PTCHD4: variants seen among roughly 807,000 people sequenced by gnomAD.
The protein encoded by PTCHD4 is patched domain containing 4.
In PTCHD4, 33 loss-of-function variants were observed where a neutral mutation model predicts 58.1. The ratio of observed to expected loss-of-function variants is 0.57; its 90% confidence interval spans 0.43 to 0.76. The LOEUF (loss-of-function observed/expected upper bound fraction) is 0.76, where lower values mean the gene tolerates loss of function less well. Ranked by LOEUF, PTCHD4 falls within the 30% of genes least tolerant of loss-of-function variation. PTCHD4 has a pLI of 0.00. For missense variants in PTCHD4, 1,058 were observed against 1,027.1 expected (o/e 1.03, Z -0.41); for synonymous variants, 478 against 409.6 (o/e 1.17, Z -2.02).
intron 4 of PTCHD4, among the ~76,000 whole-genome samples, chr6:47,949,714 G>C (rs1766561606): frequency 6.6e-6 from 1 of 151,864 alleles, no homozygotes; most frequent in Non-Finnish European, 1.5e-5. Context: ...AACAAACAGT[G>C]ATACAGTCTC....
chr6:47,992,529 A>G (rs923922131), intron 4 of PTCHD4, among the ~76,000 whole-genome samples: 12 of 152,212 alleles, frequency 7.9e-5, no homozygotes, highest in Admixed American at 2.6e-4. Context: ...TATAGCTATT[A>G]GTAAAAATAG....
At chr6:47,979,919 T>C (rs1767819775) in intron 4 of PTCHD4, among the ~76,000 whole-genome samples, 1 of 152,078 alleles carries the variant, frequency 6.6e-6, no homozygotes, top group Non-Finnish European at 1.5e-5. Flanking sequence ...AGTGCATTTT[T>C]ACTTACTAAA....
intron 4 of PTCHD4, among the ~76,000 whole-genome samples, chr6:47,953,565 CAT>C (rs1271823633): frequency 6.6e-6 from 1 of 152,034 alleles, no homozygotes; most frequent in African/African-American, 2.4e-5. Flanking sequence ...TTAAAATCAA[CAT>C]AGTCACTGAA....
At chr6:48,085,443 T>G (rs1765245348) in intron 1 of PTCHD4, among the ~76,000 whole-genome samples, 1 of 152,214 alleles carries the variant, frequency 6.6e-6, no homozygotes, top group African/African-American at 2.4e-5. Flanking sequence ...TGCCATTGAC[T>G]TCTCTAATAA....
intron 3 of PTCHD4, among the ~76,000 whole-genome samples, chr6:48,016,196 C>T (rs878920986): frequency 3.3e-5 from 5 of 151,834 alleles, no homozygotes; most frequent in South Asian, 2.1e-4. Flanking sequence ...TATCATGGCC[C>T]GCAGGCAAAA....
intron 4 of PTCHD4, among the ~76,000 whole-genome samples, chr6:47,916,522 C>G (rs1329929790): frequency 6.6e-6 from 1 of 152,040 alleles, no homozygotes; most frequent in Admixed American, 6.6e-5. Flanking sequence ...AAAATCTGCC[C>G]CCTTATCTCC....
intron 4 of PTCHD4, among the ~76,000 whole-genome samples, chr6:47,995,291 A>T (rs1316684463): frequency 6.6e-6 from 1 of 152,198 alleles, no homozygotes; most frequent in Non-Finnish European, 1.5e-5. Context: ...TGTTTTACAT[A>T]CACAGAAGTT....
chr6:47,918,556 T>A (rs888125458), intron 4 of PTCHD4, among the ~76,000 whole-genome samples: 1 of 151,864 alleles, frequency 6.6e-6, no homozygotes, highest in Non-Finnish European at 1.5e-5. Context: ...ATTTGCACAA[T>A]ATTTGTAGTT....
intron 1 of PTCHD4, among the ~76,000 whole-genome samples, chr6:48,095,039 G>C (rs1188950241): frequency 6.6e-6 from 1 of 152,148 alleles, no homozygotes; most frequent in African/African-American, 2.4e-5. Context: ...ATGTAGGACA[G>C]ATTATAAATG....
At position 47,921,505 on chromosome 6, in the gene PTCHD4, C is replaced by G. The variant is rs538855101; in HGVS notation, c.899-41569G>C. Among the ~76,000 whole-genome samples the G allele has an allele frequency of 6.8e-4, 103 of 152,300 alleles. 2 individuals are homozygous for G. In the South Asian group the frequency reaches 7.0e-3, roughly 10 times the overall value. On this transcript the variant is annotated intron_variant, in intron 4 of 4. Transcript: ENST00000339488. ...TTGAAATAAGACAATATTTCTCACTCTCTTTTGCAGCTACGTGTGGCCATG... is the reference window on the plus strand; with the variant it reads ...TTGAAATAAGACAATATTTCTCACTGTCTTTTGCAGCTACGTGTGGCCATG...
intron 1 of PTCHD4, among the ~76,000 whole-genome samples, chr6:48,098,963 T>C (rs1765536617): frequency 1.3e-5 from 2 of 152,186 alleles, no homozygotes; most frequent in African/African-American, 2.4e-5. Flanking sequence ...AAGACTTAAG[T>C]ACCTAGACAC....
rs1459726607 is a variant in PTCHD4, at chr6:47,861,017, C to T, written c.*17286G>A. 3.3e-5 allele frequency among the ~76,000 whole-genome samples: 5 copies of T among 151,922 alleles called. No individual in the cohort carries two copies. Among genetic ancestry groups the T allele is most frequent in the African/African-American group, 1.2e-4 (5 of 41,392 alleles). On this transcript the variant is annotated 3_prime_UTR_variant, in exon 5 of 5. Transcript: ENST00000339488. ...AGATAGAAAGTGCCCCTGGATGCCTCTCTAATCATTATTTTAGTGGAACAT... is the reference window on the plus strand; with the variant it reads ...AGATAGAAAGTGCCCCTGGATGCCTTTCTAATCATTATTTTAGTGGAACAT...
intron 1 of PTCHD4, among the ~76,000 whole-genome samples, chr6:48,083,608 CAG>C (rs899455620): frequency 2.6e-5 from 4 of 152,076 alleles, no homozygotes; most frequent in African/African-American, 9.7e-5. Context: ...CACTTTGAGA[CAG>C]AGAACTTTCT....
At chr6:47,985,440 A>G (rs1768028379) in intron 4 of PTCHD4, among the ~76,000 whole-genome samples, 1 of 152,104 alleles carries the variant, frequency 6.6e-6, no homozygotes, top group Non-Finnish European at 1.5e-5. Context: ...AGACAGCAAG[A>G]AAGTGTATGA....
chr6:47,858,777 T>C lies in PTCHD4; in HGVS notation c.*19526A>G, dbSNP rs1364748823. On this transcript the variant is annotated 3_prime_UTR_variant, in exon 5 of 5. Coordinates refer to ENST00000339488, the MANE Select transcript of PTCHD4 (RefSeq NM_001384253.1). ...AAACAAGTTCCATACAAATGAAAAT[T>C]TAGAAGGTGAGAAATTTCTATCAGA... Among the ~76,000 whole-genome samples the C allele has an allele frequency of 6.6e-6, 1 of 152,028 alleles. No individual in the cohort carries two copies. Among genetic ancestry groups the C allele is most frequent in the Non-Finnish European group, 1.5e-5 (1 of 67,976 alleles).
At chr6:48,020,265 T>C (rs750355941) in intron 3 of PTCHD4, among the ~76,000 whole-genome samples, 2 of 152,060 alleles carry the variant, frequency 1.3e-5, no homozygotes, top group Non-Finnish European at 2.9e-5. Context: ...ATGGGAACAT[T>C]AAAAAAGAGG....
rs986706449 is a variant in PTCHD4, at chr6:47,860,434, T to G, written c.*17869A>C. ...ACAAAAACATTAAGGTAGAACTCAG[T>G]GGATAAGACACATGATCTGATTTTG... is the stretch of plus-strand genomic sequence containing the variant. On this transcript the variant is annotated 3_prime_UTR_variant, in exon 5 of 5. Coordinates refer to ENST00000339488, the MANE Select transcript of PTCHD4 (RefSeq NM_001384253.1). Among the ~76,000 whole-genome samples the G allele has an allele frequency of 2.0e-5, 3 of 152,046 alleles. No individual in the cohort carries two copies. The highest frequency in any genetic ancestry group is 4.4e-5 in the Non-Finnish European group (3 of 67,972).
rs1309210161 is a variant in PTCHD4, at chr6:48,098,345, T to TTCTTCTTCTTCTTCTTCTTC, written c.-970+12703_-970+12704insGAAGAAGAAGAAGAAGAAGA. 2.0e-3 allele frequency among the ~76,000 whole-genome samples: 274 copies of TTCTTCTTCTTCTTCTTCTTC among 134,538 alleles called. 3 individuals carry two copies. Among genetic ancestry groups the TTCTTCTTCTTCTTCTTCTTC allele is most frequent in the African/African-American group, 6.0e-3 (207 of 34,360 alleles). 88.3% of individuals were successfully genotyped at this position (134,538 alleles called of 152,430 possible). ...TCTTCTTCTTCTTCTTCTTCTTCTT[T>TTCTTCTTCTTCTTCTTCTTC]TTTTTTTTTTTGAGAGAGAGTCTCG... On this transcript the variant is annotated intron_variant, in intron 1 of 4. Coordinates refer to ENST00000339488, the MANE Select transcript of PTCHD4 (RefSeq NM_001384253.1).
At chr6:47,922,046 G>A (rs1284576862) in intron 4 of PTCHD4, among the ~76,000 whole-genome samples, 1 of 151,966 alleles carries the variant, frequency 6.6e-6, no homozygotes, top group East Asian at 1.9e-4. Flanking sequence ...GCTGAGGTGG[G>A]AGGATTGCTT....
Sources: gnomAD v4.1 joint callset for allele counts (sites outside exome capture counted in the v4.1 genomes callset) on GRCh38, gnomAD v4.1.1 for gene constraint, MANE v1.5 for transcripts, NCBI Gene and HGNC (gene_info 2026-07-23, HGNC 2026-07-21) for gene names.